The following COL25A1 variants were observed in gnomAD, a reference collection of about 807,000 sequenced individuals.
The protein encoded by COL25A1 is collagen type XXV alpha 1 chain.
COL25A1 carries 103 observed loss-of-function variants against 128.4 expected under a neutral mutation model. That is an observed-to-expected ratio of 0.80 (90% CI 0.68 to 0.94). COL25A1 has a LOEUF of 0.94. Ranked by LOEUF, COL25A1 falls within the 40% of genes least tolerant of loss-of-function variation. The pLI is 0.00. For missense variants in COL25A1, 745 were observed against 840.0 expected (o/e 0.89, Z 1.40); for synonymous variants, 279 against 277.2 (o/e 1.01, Z -0.06).
chr4:108,961,062 G>A (rs1482132648), intron 8 of COL25A1, among the ~76,000 whole-genome samples: 1 of 152,098 alleles, frequency 6.6e-6, no homozygotes, highest in Non-Finnish European at 1.5e-5. Context: ...TGTGCAAAAA[G>A]CTAAGGAAGA....
intron 3 of COL25A1, among the ~76,000 whole-genome samples, chr4:109,088,739 C>T (rs1228533403): frequency 7.9e-5 from 12 of 152,186 alleles, no homozygotes; most frequent in Admixed American, 7.9e-4. Flanking sequence ...GAATAGAAGA[C>T]ATACTCTTCT....
intron 3 of COL25A1, among the ~76,000 whole-genome samples, chr4:109,153,081 T>C (rs375257598): frequency 7.9e-5 from 12 of 152,140 alleles, no homozygotes; most frequent in African/African-American, 2.4e-4. Flanking sequence ...TAAATTACTT[T>C]TAAGTGCTAC....
At chr4:109,059,583 T>C (rs983628836) in intron 3 of COL25A1, among the ~76,000 whole-genome samples, 1 of 152,212 alleles carries the variant, frequency 6.6e-6, no homozygotes, top group African/African-American at 2.4e-5. Context: ...CAACAGCTAA[T>C]AAAGTTCTAT....
intron 3 of COL25A1, among the ~76,000 whole-genome samples, chr4:109,162,635 T>C (rs747918148): frequency 1.3e-5 from 2 of 152,110 alleles, no homozygotes; most frequent in Non-Finnish European, 2.9e-5. Context: ...TAAAATGAGG[T>C]GGATAGTATG....
chr4:109,101,004 TC>T (rs1765841199), intron 3 of COL25A1, among the ~76,000 whole-genome samples: 2 of 152,210 alleles, frequency 1.3e-5, no homozygotes, highest in African/African-American at 4.8e-5. Flanking sequence ...GTCTCAGAAT[TC>T]TAAGGCCATC....
At chr4:109,062,032 T>C (rs531790804) in intron 3 of COL25A1, among the ~76,000 whole-genome samples, 21 of 152,318 alleles carry the variant, frequency 1.4e-4, no homozygotes, top group African/African-American at 4.3e-4. Context: ...AGCCTTGATA[T>C]ACACACACTC....
intron 3 of COL25A1, among the ~76,000 whole-genome samples, chr4:109,224,948 A>G (rs1458225262): frequency 6.6e-6 from 1 of 152,302 alleles, no homozygotes; most frequent in East Asian, 1.9e-4. Flanking sequence ...CTCAAAATAA[A>G]TAAATACATA....
At chr4:108,904,643 G>C (rs916556282) in intron 13 of COL25A1, among the ~76,000 whole-genome samples, 9 of 152,014 alleles carry the variant, frequency 5.9e-5, no homozygotes, top group African/African-American at 9.7e-5. Flanking sequence ...GTATGTGGGT[G>C]GGGGGAGCTG....
chr4:109,072,913 G>A (rs1430746437), intron 3 of COL25A1, among the ~76,000 whole-genome samples: 2 of 152,128 alleles, frequency 1.3e-5, no homozygotes, highest in Non-Finnish European at 2.9e-5. Flanking sequence ...TCCAACATGA[G>A]TTGCCCTGAC....
chr4:108,989,953 C>CCG (rs1442718209), intron 6 of COL25A1, among the ~76,000 whole-genome samples: 2 of 151,844 alleles, frequency 1.3e-5, no homozygotes, highest in East Asian at 3.9e-4. Context: ...TGGCTTACTC[C>CCG]CGTAATGCCA....
intron 3 of COL25A1, among the ~76,000 whole-genome samples, chr4:109,268,845 C>G (rs1205452440): frequency 6.6e-6 from 1 of 152,148 alleles, no homozygotes; most frequent in Non-Finnish European, 1.5e-5. Flanking sequence ...ATCACTTTCT[C>G]AACCAGGAGG....
intron 3 of COL25A1, among the ~76,000 whole-genome samples, chr4:109,197,482 T>TA (rs1776205868): frequency 1.6e-5 from 2 of 126,130 alleles, no homozygotes; most frequent in African/African-American, 6.0e-5. Flanking sequence ...ATATATATTA[T>TA]ATATTATATA....
chr4:108,912,944 C>T (rs943611901), intron 13 of COL25A1, among the ~76,000 whole-genome samples: 4 of 152,050 alleles, frequency 2.6e-5, no homozygotes, highest in Non-Finnish European at 4.4e-5. Flanking sequence ...AATCACTTAG[C>T]TATTTGTGAT....
At chr4:109,150,060 A>G (rs560363495) in intron 3 of COL25A1, among the ~76,000 whole-genome samples, 27 of 150,658 alleles carry the variant, frequency 1.8e-4, no homozygotes, top group African/African-American at 5.6e-4. Flanking sequence ...GTGAGTATGT[A>G]TGCAGTGTGT....
intron 3 of COL25A1, among the ~76,000 whole-genome samples, chr4:109,087,548 G>A (rs1055653301): frequency 1.3e-5 from 2 of 152,094 alleles, no homozygotes; most frequent in Admixed American, 1.3e-4. Flanking sequence ...GAAATATATT[G>A]ATGACCCTTG....
chr4:109,238,311 C>T (rs564282029), intron 3 of COL25A1, among the ~76,000 whole-genome samples: 2 of 152,020 alleles, frequency 1.3e-5, no homozygotes, highest in Non-Finnish European at 2.9e-5. Flanking sequence ...GAAACACATA[C>T]TTTTTAAGTA....
rs560842689 is a variant in COL25A1 at position 108,869,552 on chromosome 4, G to C, written c.1021-402C>G. 2.5e-4 allele frequency among the ~76,000 whole-genome samples: 38 copies of C among 152,238 alleles called. No homozygotes were observed. In the South Asian group the frequency reaches 7.9e-3, roughly 32 times the overall value. On this transcript the variant is annotated intron_variant, in intron 19 of 37. Transcript: ENST00000399132. ...CTTAAATCTGTTTGATACCAACCAG[G>C]GGAGTTAGTGCCAGAATAGGATCGA...
intron 3 of COL25A1, among the ~76,000 whole-genome samples, chr4:109,294,620 T>C (rs1172966987): frequency 3.3e-5 from 5 of 152,218 alleles, no homozygotes; most frequent in Non-Finnish European, 5.9e-5. Flanking sequence ...TGCATCTATA[T>C]TTAACCATTG....
chr4:109,051,752 T>C (rs1315850810), intron 3 of COL25A1, among the ~76,000 whole-genome samples: 2 of 147,498 alleles, frequency 1.4e-5, no homozygotes, highest in African/African-American at 5.4e-5. Context: ...TATATACTTA[T>C]AATGTCTGTG....
Sources: gnomAD v4.1 joint callset for allele counts (sites outside exome capture counted in the v4.1 genomes callset) on GRCh38, gnomAD v4.1.1 for gene constraint, MANE v1.5 for transcripts, NCBI Gene and HGNC (gene_info 2026-07-23, HGNC 2026-07-21) for gene names.